The following GRM4 variants were observed in gnomAD, a reference collection of about 807,000 sequenced individuals.
The protein encoded by GRM4 is metabotropic glutamate receptor 4.
Under a neutral mutation model 81.7 loss-of-function variants are expected in GRM4, and 28 were observed. The observed-to-expected ratio is 0.34, with a 90% CI of 0.25 to 0.47. The LOEUF is 0.47. Ranked by LOEUF, GRM4 falls within the 20% of genes least tolerant of loss-of-function variation. GRM4 has a pLI of 1.00. For synonymous variants in GRM4, 488 were observed against 528.8 expected, an observed-to-expected ratio of 0.92 and a Z score of 1.06; for missense variants, 948 against 1,290.0, an observed-to-expected ratio of 0.73 and a Z score of 4.06.
At chr6:34,024,881 G>A (rs369529427) in intron 10 of GRM4, among the ~76,000 whole-genome samples, 165 of 152,342 alleles carry the variant, frequency 1.1e-3, no homozygotes, top group African/African-American at 3.9e-3. Context: ...AGCTCATGAA[G>A]AATTCCCACC....
In GRM4 at chr6:34,078,570, C is replaced by G. The variant is rs1041524111; in HGVS notation, c.736+13313G>C. 1.3e-5 allele frequency among the ~76,000 whole-genome samples: 2 copies of G among 152,200 alleles called. No individual in the cohort carries two copies. The highest frequency in any genetic ancestry group is 4.1e-4 in the South Asian group (2 of 4,830). On this transcript the variant is annotated intron_variant, in intron 3 of 10. Coordinates refer to ENST00000538487, the MANE Select transcript of GRM4 (RefSeq NM_000841.4). The surrounding 1 kb of genome is among the most constrained non-coding windows in gnomAD (Gnocchi z 4.8). ...TCTGGGTTGACCTGACAAGTGGCCT[C>G]TGCTCTCTCAGCCTGTTTCCTACCT...
chr6:34,133,720 G>A lies in GRM4; in HGVS notation c.-224C>T. The A allele has an allele frequency of 1.5e-6, 2 of 1,301,582 alleles. No individual in the cohort carries two copies. Among genetic ancestry groups the A allele is most frequent in the African/African-American group, 3.0e-5 (2 of 66,552 alleles). 80.6% of individuals were successfully genotyped at this position (1,301,582 alleles called of 1,614,324 possible). ...GCCCACAGACAGCAGGCAGTGGCCGGGGTTGCAGGAAGGCTCTGATCCTTG... is the reference window on the plus strand; with the variant it reads ...GCCCACAGACAGCAGGCAGTGGCCGAGGTTGCAGGAAGGCTCTGATCCTTG... On this transcript the variant is annotated 5_prime_UTR_variant, in exon 2 of 11. Transcript: ENST00000538487. This position sits in a 1 kb window ranked among gnomAD's most constrained non-coding sequence, Gnocchi z 6.5.
At chr6:34,050,862 C>A (rs900087416) in intron 6 of GRM4, among the ~76,000 whole-genome samples, 15 of 152,222 alleles carry the variant, frequency 9.9e-5, no homozygotes, top group Non-Finnish European at 1.9e-4. Context: ...CTCCCCAGGG[C>A]AGGTCTGTCC....
At chr6:34,127,283 A>G (rs1445546082) in intron 2 of GRM4, among the ~76,000 whole-genome samples, 1 of 152,270 alleles carries the variant, frequency 6.6e-6, no homozygotes, top group African/African-American at 2.4e-5. Context: ...ATTTAAGCTC[A>G]AGGCTGAATG....
Position 34,061,888 on chromosome 6 carries a change from C to G in GRM4, c.872+5G>C. 6.2e-7 allele frequency: 1 copy of G among 1,610,240 alleles called. No individual in the cohort carries two copies. The highest frequency in any genetic ancestry group is 8.5e-7 in the Non-Finnish European group (1 of 1,177,084). ...GGTGCCCACCCTGCTGCCACCTGCC[C>G]TCACCTGATGTCATCCTCGTTGGCA... On this transcript the variant is annotated splice_donor_5th_base_variant and intron_variant, in intron 4 of 10. Transcript: ENST00000538487.
chr6:34,145,416 C>T (rs950213429), intron 1 of GRM4, among the ~76,000 whole-genome samples: 9 of 152,170 alleles, frequency 5.9e-5, no homozygotes, highest in Non-Finnish European at 1.3e-4. Context: ...CCGGAAGGAG[C>T]GGGAGAGGCG....
At position 34,059,540 on chromosome 6, in the gene GRM4, A is replaced by G; in HGVS notation, c.873-412T>C. 1 of 223,574 alleles carries G rather than the reference A, an allele frequency of 4.5e-6. No individual in the cohort carries two copies. The highest frequency in any genetic ancestry group is 7.2e-5 in the South Asian group (1 of 13,936). 13.8% of individuals were successfully genotyped at this position (223,574 alleles called of 1,614,324 possible). A position where few individuals can be genotyped will look rare whatever the true frequency, so the allele number is the denominator to read the frequency against. On this transcript the variant is annotated intron_variant, in intron 4 of 10. Coordinates refer to ENST00000538487, the MANE Select transcript of GRM4 (RefSeq NM_000841.4). This position sits in a 1 kb window ranked among gnomAD's most constrained non-coding sequence, Gnocchi z 5.7. ...TCATCCACCCCCACATTCCTTGCCC[A>G]TTCTCACACGCATCCACCATCACAC...
In GRM4 at chr6:34,059,528, C is replaced by T. The variant is rs1442295358; in HGVS notation, c.873-400G>A. On this transcript the variant is annotated intron_variant, in intron 4 of 10. Coordinates refer to ENST00000538487, the MANE Select transcript of GRM4 (RefSeq NM_000841.4). The surrounding 1 kb of genome is among the most constrained non-coding windows in gnomAD (Gnocchi z 5.7). ...TGCCTTCCTGGCTCATCCACCCCCA[C>T]ATTCCTTGCCCATTCTCACACGCAT... is the stretch of plus-strand genomic sequence containing the variant. 2 of 248,186 alleles carry T rather than the reference C, an allele frequency of 8.1e-6. No individual in the cohort carries two copies. Among genetic ancestry groups the T allele is most frequent in the South Asian group, 1.2e-4 (2 of 17,006 alleles). 15.4% of individuals were successfully genotyped at this position (248,186 alleles called of 1,614,324 possible). A position where few individuals can be genotyped will look rare whatever the true frequency, so the allele number is the denominator to read the frequency against.
chr6:34,037,615 A>G (rs1764777850), intron 8 of GRM4, among the ~76,000 whole-genome samples: 1 of 152,164 alleles, frequency 6.6e-6, no homozygotes. Context: ...CTGTAATCCC[A>G]GCACTTTGGG....
chr6:34,070,081 G>C lies in GRM4; in HGVS notation c.737-8053C>G, dbSNP rs1368736907. 3.9e-5 allele frequency among the ~76,000 whole-genome samples: 6 copies of C among 152,154 alleles called. No individual in the cohort carries two copies. Among genetic ancestry groups the C allele is most frequent in the Non-Finnish European group, 2.9e-5 (2 of 68,014 alleles). On this transcript the variant is annotated intron_variant, in intron 3 of 10. Coordinates refer to ENST00000538487, the MANE Select transcript of GRM4 (RefSeq NM_000841.4). The surrounding 1 kb of genome is among the most constrained non-coding windows in gnomAD (Gnocchi z 4.6). ...ACAGCTCGGCAGGAGCTGCCAGCAT[G>C]GGCGTGAGGGCAGAGGCTCTGTAGG...
chr6:34,035,536 A>ATGT lies in GRM4; in HGVS notation c.2442+131_2442+132insACA. 1 of 592,562 alleles carries ATGT rather than the reference A, an allele frequency of 1.7e-6. No homozygotes were observed. 36.7% of individuals were successfully genotyped at this position (592,562 alleles called of 1,614,324 possible). A position where few individuals can be genotyped will look rare whatever the true frequency, so the allele number is the denominator to read the frequency against. ...GGCATGAAAGAAGGCAGAATGAGGC[A>ATGT]AGAAAGAAGGCAGAATGAGGCATGA... is the stretch of plus-strand genomic sequence containing the variant. On this transcript the variant is annotated intron_variant, in intron 9 of 10. Transcript: ENST00000538487. This position sits in a 1 kb window ranked among gnomAD's most constrained non-coding sequence, Gnocchi z 6.6.
In GRM4 at chr6:34,070,642, C is replaced by G. The variant is rs1766771167; in HGVS notation, c.737-8614G>C. On this transcript the variant is annotated intron_variant, in intron 3 of 10. Coordinates refer to ENST00000538487, the MANE Select transcript of GRM4 (RefSeq NM_000841.4). The surrounding 1 kb of genome is among the most constrained non-coding windows in gnomAD (Gnocchi z 4.6). ...AGCTCGGAGGACAGGGGCCTCATCA[C>G]TTAGCCAGGCCAGGACCCAGGACCC... Among the ~76,000 whole-genome samples the G allele has an allele frequency of 6.6e-6, 1 of 151,724 alleles. No homozygotes were observed.
In GRM4 at chr6:34,090,115, C is replaced by T. The variant is rs1365367056; in HGVS notation, c.736+1768G>A. Among the ~76,000 whole-genome samples, 1 of 152,150 alleles carries T rather than the reference C, an allele frequency of 6.6e-6. No individual in the cohort carries two copies. Among genetic ancestry groups the T allele is most frequent in the Non-Finnish European group, 1.5e-5 (1 of 68,024 alleles). Reference sequence around the variant, plus strand: ...AATGGGGATGAGGCAGCATCTACCTCGTAGGGCAGGAAGGACTGCCCAGGA... The same window carrying T: ...AATGGGGATGAGGCAGCATCTACCTTGTAGGGCAGGAAGGACTGCCCAGGA... On this transcript the variant is annotated intron_variant, in intron 3 of 10. Transcript: ENST00000538487. The surrounding 1 kb of genome is among the most constrained non-coding windows in gnomAD (Gnocchi z 5.2).
chr6:34,028,438 C>T (rs757179977), intron 9 of GRM4, 72 bp from the exon 10 acceptor site: 16 of 1,501,192 alleles, frequency 1.1e-5, no homozygotes, highest in Non-Finnish European at 1.4e-5. Context: ...CCAGTTCCCA[C>T]CCAGGGACCC....
chr6:34,096,378 C>T (rs996363149), intron 2 of GRM4, among the ~76,000 whole-genome samples: 2 of 152,194 alleles, frequency 1.3e-5, no homozygotes, highest in African/African-American at 4.8e-5. Flanking sequence ...CTCCAGGCAG[C>T]CCTCCCTGAG....
chr6:34,058,265 C>A (rs562951564), intron 5 of GRM4, among the ~76,000 whole-genome samples: 5 of 152,108 alleles, frequency 3.3e-5, no homozygotes, highest in Non-Finnish European at 5.9e-5. Context: ...GGCCAGGGAG[C>A]TCCCTCTGCC....
At chr6:34,057,249 C>A (rs977661432) in intron 5 of GRM4, among the ~76,000 whole-genome samples, 2 of 149,628 alleles carry the variant, frequency 1.3e-5, no homozygotes, top group Non-Finnish European at 3.0e-5. Flanking sequence ...GGTGGGCAGG[C>A]TGGCGGTGAA....
chr6:34,070,252 T>C lies in GRM4; in HGVS notation c.737-8224A>G, dbSNP rs80236590. Among the ~76,000 whole-genome samples, 11,583 of 152,230 alleles carry C rather than the reference T, an allele frequency of 0.076. 889 individuals are homozygous for C. The highest frequency in any genetic ancestry group is 0.21 in the African/African-American group (8,569 of 41,502). On this transcript the variant is annotated intron_variant, in intron 3 of 10. Transcript: ENST00000538487. This position sits in a 1 kb window ranked among gnomAD's most constrained non-coding sequence, Gnocchi z 4.6. ...TTTGCTCTGGTCCACAGTGATACTCTGTGCTCAGCGTCCACACGCGTGGGG... is the reference window on the plus strand; with the variant it reads ...TTTGCTCTGGTCCACAGTGATACTCCGTGCTCAGCGTCCACACGCGTGGGG...
chr6:34,035,602 C>T lies in GRM4; in HGVS notation c.2442+66G>A. The T allele has an allele frequency of 2.0e-6, 2 of 977,794 alleles. No homozygotes were observed. Among genetic ancestry groups the T allele is most frequent in the Non-Finnish European group, 1.5e-6 (1 of 663,212 alleles). 60.6% of individuals were successfully genotyped at this position (977,794 alleles called of 1,614,324 possible). A position where few individuals can be genotyped will look rare whatever the true frequency, so the allele number is the denominator to read the frequency against. ...GAGCAGGGGGGAGGCCAGCCAGCCT[C>T]AGGAGGCTGCCCCTTGCTCACTGCC... On this transcript the variant is annotated intron_variant, in intron 9 of 10. Transcript: ENST00000538487. This position sits in a 1 kb window ranked among gnomAD's most constrained non-coding sequence, Gnocchi z 6.6.
Sources: gnomAD v4.1 joint callset for allele counts (sites outside exome capture counted in the v4.1 genomes callset) on GRCh38, gnomAD v4.1.1 for gene constraint, Gnocchi (gnomAD v3.1) non-coding constraint, MANE v1.5 for transcripts, NCBI Gene and HGNC (gene_info 2026-07-23, HGNC 2026-07-21) for gene names.